The following RIN3 variants were observed in gnomAD, a reference collection of about 807,000 sequenced individuals.
The protein encoded by RIN3 is RAB5 interacting protein 3.
In RIN3, 54 loss-of-function variants were observed where a neutral mutation model predicts 76.3. The ratio of observed to expected loss-of-function variants is 0.71; its 90% CI spans 0.57 to 0.89. The LOEUF is 0.89. RIN3 is among the 40% of genes least tolerant of loss of function. RIN3 has a pLI of 0.00. For synonymous variants in RIN3, 576 were observed against 564.0 expected, an observed-to-expected ratio of 1.02 and a Z score of -0.30; for missense variants, 1,256 against 1,322.1, an observed-to-expected ratio of 0.95 and a Z score of 0.78.
intron 2 of RIN3, among the ~76,000 whole-genome samples, chr14:92,576,915 C>G (rs1390102286): frequency 6.6e-6 from 1 of 152,118 alleles, no homozygotes; most frequent in Non-Finnish European, 1.5e-5. Context: ...CCAGAGTGTA[C>G]GTGCTGGGGT....
At chr14:92,522,338 G>A (rs1193067876) in intron 1 of RIN3, among the ~76,000 whole-genome samples, 1 of 151,774 alleles carries the variant, frequency 6.6e-6, no homozygotes, top group Non-Finnish European at 1.5e-5. Context: ...GTGTGTGTGT[G>A]CATGTGCTAT....
chr14:92,531,315 C>T (rs1416082889), intron 1 of RIN3, among the ~76,000 whole-genome samples: 2 of 152,226 alleles, frequency 1.3e-5, no homozygotes, highest in Non-Finnish European at 2.9e-5. Context: ...TCAGGGCACA[C>T]AAACATTCAG....
At chr14:92,546,554 T>C (rs1897270095) in intron 1 of RIN3, among the ~76,000 whole-genome samples, 1 of 152,178 alleles carries the variant, frequency 6.6e-6, no homozygotes, top group South Asian at 2.1e-4. Flanking sequence ...ATTTTCTCCA[T>C]GTAGTAAATG....
Position 92,514,105 on chromosome 14 carries a change from A to T in RIN3, c.44+129A>T. 4.7e-6 allele frequency: 3 copies of T among 642,490 alleles called. No homozygotes were observed. The highest frequency in any genetic ancestry group is 2.2e-6 in the Non-Finnish European group (1 of 450,322). 39.8% of individuals were successfully genotyped at this position (642,490 alleles called of 1,614,324 possible). On this transcript the variant is annotated intron_variant, in intron 1 of 9. Transcript: ENST00000216487. The surrounding 1 kb of genome is among the most constrained non-coding windows in gnomAD (Gnocchi z 7.2). ...CTCGGGGTTGTCGGGCTGATACGGGACCCCCACCGTGGCCGAGGCCAGAAC... is the reference window on the plus strand; with the variant it reads ...CTCGGGGTTGTCGGGCTGATACGGGTCCCCCACCGTGGCCGAGGCCAGAAC...
chr14:92,666,358 A>G (rs1161438739), intron 7 of RIN3, among the ~76,000 whole-genome samples: 1 of 152,240 alleles, frequency 6.6e-6, no homozygotes, highest in Non-Finnish European at 1.5e-5. Context: ...CTTCTCCAGA[A>G]AGATAGGGCC....
intron 9 of RIN3, chr14:92,687,345 CGCCTTGCCCGCCCTGCTCATGCCGG>C (rs1291321972): frequency 6.6e-6 from 1 of 152,398 alleles, no homozygotes; most frequent in Non-Finnish European, 1.5e-5. Flanking sequence ...GGCGTCGCCT[CGCCTTGCCCGCCCTGCTCATGCCGG>C]GCCTTCCCCA....
At chr14:92,578,619 AG>A (rs1172932807) in intron 3 of RIN3, among the ~76,000 whole-genome samples, 1 of 152,190 alleles carries the variant, frequency 6.6e-6, no homozygotes, top group East Asian at 1.9e-4. Context: ...GGTTTTTTAA[AG>A]ACAGTTTGGC....
chr14:92,557,560 G>A (rs989622729), intron 2 of RIN3, among the ~76,000 whole-genome samples: 1 of 152,278 alleles, frequency 6.6e-6, no homozygotes, highest in Non-Finnish European at 1.5e-5. Context: ...CAAGTCGCCA[G>A]TTGTACCTGA....
intron 9 of RIN3, chr14:92,687,558 G>A: frequency 3.5e-6 from 1 of 289,724 alleles, no homozygotes; most frequent in Non-Finnish European, 6.5e-6. Flanking sequence ...GCTGCCCTCC[G>A]TGCCCAGCAT....
chr14:92,554,975 A>G (rs895632577), intron 1 of RIN3, among the ~76,000 whole-genome samples: 2 of 152,218 alleles, frequency 1.3e-5, no homozygotes, highest in African/African-American at 2.4e-5. Context: ...AAGCTATTTT[A>G]TATTCTTTTT....
Position 92,545,106 on chromosome 14 carries a change from GTTTTTT to G in RIN3, c.45-10629_45-10624del, listed in dbSNP as rs540126016. ...AAACGTTTTCTTTTAACTTTCTGGT[GTTTTTT>G]TTTTTTTTTTTTTTTGAGACGGAGT... On this transcript the variant is annotated intron_variant, in intron 1 of 9. Coordinates refer to ENST00000216487, the MANE Select transcript of RIN3 (RefSeq NM_024832.5). Among the ~76,000 whole-genome samples, 6 of 82,172 alleles carry G rather than the reference GTTTTTT, an allele frequency of 7.3e-5. No homozygotes were observed. In the Admixed American group the frequency reaches 8.6e-4, roughly 12 times the overall value. The allele number at this position is 82,172 out of a possible 152,430, so 53.9% of individuals were successfully genotyped here. A position where few individuals can be genotyped will look rare whatever the true frequency, so the allele number is the denominator to read the frequency against.
At chr14:92,674,102 T>C (rs893742526) in intron 7 of RIN3, among the ~76,000 whole-genome samples, 2 of 152,212 alleles carry the variant, frequency 1.3e-5, no homozygotes, top group Non-Finnish European at 2.9e-5. Flanking sequence ...TCTGACCACC[T>C]GTGCCGTTTC....
intron 1 of RIN3, 25 bp from the exon 2 acceptor site, chr14:92,555,726 C>A (rs2140034876): frequency 6.2e-7 from 1 of 1,611,788 alleles, no homozygotes; most frequent in East Asian, 2.2e-5. Flanking sequence ...TGCAGGATAG[C>A]TGATCATTGA....
At chr14:92,602,930 G>A (rs942059) in intron 3 of RIN3, among the ~76,000 whole-genome samples, 14,926 of 152,278 alleles carry the variant, frequency 0.098, 903 homozygotes, top group Middle Eastern at 0.19. Context: ...GTGGTTCCCT[G>A]TCCAGGGCTG....
intron 4 of RIN3, among the ~76,000 whole-genome samples, chr14:92,629,154 ATTGATT>A (rs1359625411): frequency 2.4e-5 from 3 of 123,126 alleles, no homozygotes; most frequent in African/African-American, 9.9e-5. Context: ...AGAGAGAGAG[ATTGATT>A]GATTGATTGA....
At chr14:92,662,426 G>C (rs992439411) in intron 7 of RIN3, among the ~76,000 whole-genome samples, 3 of 152,246 alleles carry the variant, frequency 2.0e-5, no homozygotes, top group African/African-American at 7.2e-5. Flanking sequence ...CTTCCTTGCC[G>C]GCTCTGCCGC....
At chr14:92,567,662 G>C (rs1460058598) in intron 2 of RIN3, among the ~76,000 whole-genome samples, 1 of 147,568 alleles carries the variant, frequency 6.8e-6, no homozygotes, top group Non-Finnish European at 1.5e-5. Flanking sequence ...CAGTGCCAAG[G>C]CCATGCTGTT....
intron 7 of RIN3, among the ~76,000 whole-genome samples, chr14:92,676,051 G>A (rs1194960313): frequency 6.6e-6 from 1 of 152,108 alleles, no homozygotes; most frequent in Admixed American, 6.5e-5. Flanking sequence ...GTGAGGAAGA[G>A]GTTTCTGTTT....
At position 92,688,001 on chromosome 14, in the gene RIN3, C is replaced by G. The variant is rs1229609583; in HGVS notation, c.2707C>G (p.Gln903Glu). ...GGCGTCGCGGGCGGACACCCAGGCC[C>G]AGGCGCTGTGCGCGCAGTGCGCGGA... Reference protein sequence around the residue: ...TLASRADTQAQALCAQCAEKF... With the variant: ...TLASRADTQAEALCAQCAEKF... Residue 903 changes from glutamine (Q) to glutamate (E), a missense_variant, in exon 10 of 10, where the codon CAG becomes GAG. Physicochemically the swap from Gln to Glu is conservative, Grantham distance 29. Around this residue, in one of 3 missense-constraint regions of RIN3, gnomAD observed 218 missense variants for 174.5 expected, o/e 1.25. Coordinates refer to ENST00000216487, the MANE Select transcript of RIN3 (RefSeq NM_024832.5). 23 of 1,571,780 alleles carry G rather than the reference C, an allele frequency of 1.5e-5. No individual in the cohort carries two copies. The highest frequency in any genetic ancestry group is 1.5e-5 in the Non-Finnish European group (17 of 1,159,980).
Sources: allele counts gnomAD v4.1 joint callset (sites outside exome capture counted in the v4.1 genomes callset), GRCh38; gene constraint gnomAD v4.1.1; regional missense constraint gnomAD v4.1.1; non-coding constraint Gnocchi (gnomAD v3.1); transcripts MANE v1.5; gene names NCBI Gene and HGNC (gene_info 2026-07-23, HGNC 2026-07-21).